The following CNTNAP2 variants were observed in gnomAD, a reference collection of about 807,000 sequenced individuals.
The protein encoded by CNTNAP2 is contactin-associated protein-like 2.
A neutral mutation model predicts 155.2 loss-of-function variants in CNTNAP2; 98 were observed. That is an observed-to-expected ratio of 0.63 (90% CI 0.54 to 0.75). The LOEUF is 0.75. CNTNAP2 is among the 30% of genes least tolerant of loss of function. The pLI, the probability that CNTNAP2 is intolerant of heterozygous loss-of-function variation, is 0.00. For missense variants in CNTNAP2, 1,727 were observed against 1,688.1 expected (o/e 1.02, Z -0.40); for synonymous variants, 651 against 631.2 (o/e 1.03, Z -0.47).
chr7:147,134,506 A>AATAT (rs139918747), intron 8 of CNTNAP2, among the ~76,000 whole-genome samples: 1 of 151,254 alleles, frequency 6.6e-6, no homozygotes, highest in Non-Finnish European at 1.5e-5. Context: ...ATTTTATATA[A>AATAT]ATATATATAT....
At chr7:147,259,431 T>C (rs1420352190) in intron 8 of CNTNAP2, among the ~76,000 whole-genome samples, 1 of 152,156 alleles carries the variant, frequency 6.6e-6, no homozygotes, top group Non-Finnish European at 1.5e-5. Flanking sequence ...AGGAAAAATA[T>C]TACTTTATAT....
At chr7:146,779,128 C>T (rs1202092724) in intron 2 of CNTNAP2, among the ~76,000 whole-genome samples, 1 of 152,122 alleles carries the variant, frequency 6.6e-6, no homozygotes, top group Non-Finnish European at 1.5e-5. Flanking sequence ...CTTTCAGACC[C>T]CTGTTTCCAA....
At chr7:148,391,277 A>G (rs1288295272) in intron 22 of CNTNAP2, among the ~76,000 whole-genome samples, 1 of 152,226 alleles carries the variant, frequency 6.6e-6, no homozygotes, top group Non-Finnish European at 1.5e-5. Flanking sequence ...ATTTTACAGT[A>G]TATGTCAAGA....
intron 1 of CNTNAP2, among the ~76,000 whole-genome samples, chr7:146,423,093 T>C (rs1295460663): frequency 6.6e-6 from 1 of 152,110 alleles, no homozygotes; most frequent in Non-Finnish European, 1.5e-5. Flanking sequence ...ATGGATTCTC[T>C]ATTCTCATTT....
At chr7:147,885,945 C>T (rs537435236) in intron 13 of CNTNAP2, among the ~76,000 whole-genome samples, 1 of 152,276 alleles carries the variant, frequency 6.6e-6, no homozygotes, top group African/African-American at 2.4e-5. Flanking sequence ...AAATAGGGAA[C>T]AAATACTAGT....
intron 13 of CNTNAP2, among the ~76,000 whole-genome samples, chr7:147,870,452 C>T (rs1191020944): frequency 1.3e-5 from 2 of 152,024 alleles, no homozygotes; most frequent in African/African-American, 2.4e-5. Flanking sequence ...AAAGGGTGGC[C>T]CAGAAATTGA....
intron 8 of CNTNAP2, among the ~76,000 whole-genome samples, chr7:147,277,041 A>G (rs1804910724): frequency 1.3e-5 from 2 of 152,020 alleles, no homozygotes; most frequent in Admixed American, 1.3e-4. Context: ...ATAAAATCCA[A>G]GTGCTGCGTT....
intron 3 of CNTNAP2, among the ~76,000 whole-genome samples, chr7:146,949,749 C>T (rs546318422): frequency 1.3e-5 from 2 of 152,222 alleles, no homozygotes; most frequent in Admixed American, 6.5e-5. Flanking sequence ...TCTCATGGTG[C>T]CATTGCTTTG....
intron 1 of CNTNAP2, among the ~76,000 whole-genome samples, chr7:146,280,763 A>C (rs1239974064): frequency 6.6e-6 from 1 of 152,172 alleles, no homozygotes; most frequent in Non-Finnish European, 1.5e-5. Context: ...TTGGAGGCCC[A>C]GCCAGCTTTA....
intron 21 of CNTNAP2, among the ~76,000 whole-genome samples, chr7:148,317,450 G>A (rs1226457237): frequency 6.6e-6 from 1 of 152,256 alleles, no homozygotes; most frequent in East Asian, 1.9e-4. Context: ...TAATCCTAAT[G>A]CTTTGGAAGG....
At chr7:146,914,982 G>C (rs1209126628) in intron 3 of CNTNAP2, among the ~76,000 whole-genome samples, 1 of 151,990 alleles carries the variant, frequency 6.6e-6, no homozygotes, top group Non-Finnish European at 1.5e-5. Flanking sequence ...TCCATCTTGA[G>C]TTAATTTTTG....
At chr7:147,022,592 C>A (rs1798835554) in intron 3 of CNTNAP2, among the ~76,000 whole-genome samples, 1 of 145,740 alleles carries the variant, frequency 6.9e-6, no homozygotes, top group African/African-American at 2.6e-5. Context: ...TATATATACA[C>A]ATACACAAAC....
At chr7:146,436,608 C>T (rs1182088774) in intron 1 of CNTNAP2, among the ~76,000 whole-genome samples, 2 of 151,918 alleles carry the variant, frequency 1.3e-5, no homozygotes, top group Admixed American at 6.5e-5. Context: ...AAGCTAAAAA[C>T]AATAAAACAC....
intron 1 of CNTNAP2, among the ~76,000 whole-genome samples, chr7:146,682,115 CAG>C (rs148748291): frequency 0.026 from 3,946 of 152,166 alleles, 124 homozygotes; most frequent in African/African-American, 0.07. Context: ...TTTATGAAAA[CAG>C]AAAGTAAATT....
rs145749146 is a variant in CNTNAP2 at position 147,569,454 on chromosome 7, A to G, written c.1897+7197A>G. Reference sequence around the variant, plus strand: ...TTTCAGTCAACAACAGACTACATCTAGAATGGTGGTCCTATAAGATTATAA... The same window carrying G: ...TTTCAGTCAACAACAGACTACATCTGGAATGGTGGTCCTATAAGATTATAA... On this transcript the variant is annotated intron_variant, in intron 12 of 23. Transcript: ENST00000361727. Among the ~76,000 whole-genome samples, 341 of 152,316 alleles carry G rather than the reference A, an allele frequency of 2.2e-3. 2 individuals are homozygous for G. The highest frequency in any genetic ancestry group is 3.1e-3 in the Non-Finnish European group (210 of 68,018).
intron 15 of CNTNAP2, among the ~76,000 whole-genome samples, chr7:147,986,568 AG>A (rs1801620476): frequency 6.6e-6 from 1 of 152,166 alleles, no homozygotes; most frequent in South Asian, 2.1e-4. Context: ...AGAGAGGTTA[AG>A]TGACTGGCCC....
At chr7:148,015,476 G>A (rs139948156) in intron 15 of CNTNAP2, among the ~76,000 whole-genome samples, 3 of 152,278 alleles carry the variant, frequency 2.0e-5, no homozygotes, top group South Asian at 2.1e-4. Context: ...GGCGGGCATC[G>A]GCGAGACCCA....
At position 146,226,378 on chromosome 7, in the gene CNTNAP2, G is replaced by A. The variant is rs150187625; in HGVS notation, c.97+109405G>A. On this transcript the variant is annotated intron_variant, in intron 1 of 23. Coordinates refer to ENST00000361727, the MANE Select transcript of CNTNAP2 (RefSeq NM_014141.6). Reference sequence around the variant, plus strand: ...AAATTTTAAAAAAAATTATCCTAGGGCTAGGCATGGTGGCTTACACCTCTA... The same window carrying A: ...AAATTTTAAAAAAAATTATCCTAGGACTAGGCATGGTGGCTTACACCTCTA... 1.2e-3 allele frequency among the ~76,000 whole-genome samples: 185 copies of A among 152,256 alleles called. 1 individual carries two copies. Among genetic ancestry groups the A allele is most frequent in the African/African-American group, 4.2e-3 (176 of 41,544 alleles).
intron 1 of CNTNAP2, among the ~76,000 whole-genome samples, chr7:146,389,955 C>T (rs1336868862): frequency 6.6e-6 from 1 of 152,028 alleles, no homozygotes; most frequent in Admixed American, 6.5e-5. Flanking sequence ...CCCACCTTGG[C>T]CTCCCAAAGT....
Sources: gnomAD v4.1 joint callset for allele counts (sites outside exome capture counted in the v4.1 genomes callset) on GRCh38, gnomAD v4.1.1 for gene constraint, MANE v1.5 for transcripts, NCBI Gene and HGNC (gene_info 2026-07-23, HGNC 2026-07-21) for gene names.